Variants in PHF8 observed in about 807,000 individuals in gnomAD.
PHF8 encodes histone lysine demethylase PHF8.
PHF8 carries 9 observed loss-of-function variants against 74.4 expected under a neutral mutation model. The observed-to-expected ratio is 0.12, with a 90% CI of 0.07 to 0.21. The LOEUF (loss-of-function observed/expected upper bound fraction) is 0.21, where lower values mean the gene tolerates loss of function less well. Among genes scored for constraint, PHF8 ranks in the 10% least tolerant of loss-of-function variants. The pLI is 1.00. For missense variants in PHF8, 478 were observed against 816.6 expected (o/e 0.59, Z 5.05); for synonymous variants, 311 against 316.6 (o/e 0.98, Z 0.19).
intron 3 of PHF8, 133 bp downstream of exon 3, chrX:54,022,625 T>C: frequency 7.9e-6 from 4 of 509,440 alleles, no homozygotes; most frequent in South Asian, 2.7e-5. Flanking sequence ...CTGTGGAGCC[T>C]GCATAGGCTT....
chrX:54,036,333 C>A (rs782053591), intron 2 of PHF8, among the ~76,000 whole-genome samples: 3 of 109,405 alleles, frequency 2.7e-5, no homozygotes, highest in African/African-American at 1.0e-4. Context: ...AAAGTATATT[C>A]TCTGACCACT....
chrX:53,956,675 CGTGTGTGTGT>C (rs376217153), intron 19 of PHF8, among the ~76,000 whole-genome samples: 62 of 97,557 alleles, frequency 6.4e-4, no homozygotes, highest in African/African-American at 2.1e-3. Flanking sequence ...AAAATATGTG[CGTGTGTGTGT>C]GTGTGTGTGT....
In PHF8 at chrX:53,947,361, T is replaced by C. The variant is rs182745735; in HGVS notation, c.2540-3118A>G. ...CAGAAAAAAGATGTGGTGGTACTGCTGACCTAGATTTAAACTCCTTGGTTA... is the reference window on the plus strand; with the variant it reads ...CAGAAAAAAGATGTGGTGGTACTGCCGACCTAGATTTAAACTCCTTGGTTA... On this transcript the variant is annotated intron_variant, in intron 19 of 21. Coordinates refer to ENST00000338154, the MANE Select transcript of PHF8 (RefSeq NM_015107.3). 4.0e-3 allele frequency among the ~76,000 whole-genome samples: 454 copies of C among 112,656 alleles called. 2 individuals carry two copies. Among genetic ancestry groups the C allele is most frequent in the African/African-American group, 0.014 (431 of 31,056 alleles).
intron 8 of PHF8, among the ~76,000 whole-genome samples, chrX:54,008,323 C>T (rs782040129): frequency 1.6e-4 from 16 of 102,318 alleles, no homozygotes; most frequent in Non-Finnish European, 9.9e-5. Flanking sequence ...GTGGAGATCG[C>T]GCCACTGCAC....
intron 20 of PHF8, chrX:53,942,888 T>C: frequency 1.3e-6 from 1 of 753,681 alleles, no homozygotes; most frequent in Non-Finnish European, 1.6e-6. Flanking sequence ...AAGGTGTGCA[T>C]GAGGGGCTGG....
chrX:53,980,209 CCTAAAATT>C (rs1557097557), intron 18 of PHF8, among the ~76,000 whole-genome samples: 1 of 110,686 alleles, frequency 9.0e-6, no homozygotes, highest in Admixed American at 9.7e-5. Flanking sequence ...AATGGTGTCC[CCTAAAATT>C]CATATGGTGA....
At chrX:53,987,207 AT>A in intron 15 of PHF8, 44 bp from the exon 16 acceptor site, 1 of 854,650 alleles carries the variant, frequency 1.2e-6, no homozygotes, top group Admixed American at 2.2e-5. Flanking sequence ...TATGATTAGC[AT>A]TTCAGCCAAA....
Position 53,939,126 on chromosome X carries a change from G to T in PHF8, c.*32C>A, listed in dbSNP as rs372572740. The T allele has an allele frequency of 8.3e-7, 1 of 1,205,726 alleles. No individual in the cohort carries two copies. The highest frequency in any genetic ancestry group is 1.8e-5 in the South Asian group (1 of 56,091). ...GTTGACAATGGAGAAGGCAATGGGG[G>T]TAAAGGGGTGAGGGGTGGGACACAG... On this transcript the variant is annotated 3_prime_UTR_variant, in exon 22 of 22. Transcript: ENST00000338154.
intron 8 of PHF8, among the ~76,000 whole-genome samples, chrX:54,005,759 T>C (rs2065889756): frequency 9.1e-6 from 1 of 110,485 alleles, no homozygotes; most frequent in African/African-American, 3.3e-5. Context: ...TCTTTAGGTG[T>C]TGAAAGAAAA....
At chrX:53,984,380 A>G (rs990805053) in intron 18 of PHF8, among the ~76,000 whole-genome samples, 1 of 112,022 alleles carries the variant, frequency 8.9e-6, no homozygotes, top group Admixed American at 9.5e-5. Context: ...AAAACAAAAC[A>G]AAACAAAACA....
intron 2 of PHF8, among the ~76,000 whole-genome samples, chrX:54,040,506 C>T (rs1557115574): frequency 8.9e-6 from 1 of 111,888 alleles, no homozygotes; most frequent in East Asian, 2.8e-4. Context: ...TTAATAAAGA[C>T]GCACACAAAG....
At chrX:54,044,664 A>T (rs782716427), upstream of PHF8, among the ~76,000 whole-genome samples, 3 of 113,086 alleles carry the variant, frequency 2.7e-5, no homozygotes, top group South Asian at 1.1e-3. Context: ...TAGGCGAGGC[A>T]GACGTTTGGC....
intron 2 of PHF8, among the ~76,000 whole-genome samples, chrX:54,029,973 C>T (rs1224289083): frequency 1.8e-5 from 2 of 111,002 alleles, no homozygotes; most frequent in Non-Finnish European, 3.8e-5. Context: ...AAAAAGCCAG[C>T]GGACTCTCGG....
At chrX:54,018,113 A>C (rs782188953) in intron 4 of PHF8, among the ~76,000 whole-genome samples, 7 of 112,358 alleles carry the variant, frequency 6.2e-5, no homozygotes, top group Admixed American at 5.7e-4. Flanking sequence ...CAAGTTTGAC[A>C]GATTTGTTCA....
chrX:54,034,180 C>T (rs1192164950), intron 2 of PHF8, among the ~76,000 whole-genome samples: 5 of 111,511 alleles, frequency 4.5e-5, no homozygotes, highest in Non-Finnish European at 9.4e-5. Context: ...ATGAACAGAG[C>T]CTCAGCAACC....
chrX:53,949,979 C>T (rs1316859239), intron 19 of PHF8, among the ~76,000 whole-genome samples: 2 of 110,387 alleles, frequency 1.8e-5, no homozygotes, highest in Non-Finnish European at 3.8e-5. Context: ...TCCAAGAATT[C>T]ACTCCCCAAT....
Position 53,992,772 on chromosome X carries a change from T to C in PHF8, c.1694A>G (p.Asn565Ser), listed in dbSNP as rs2065687032. Residue 565 changes from asparagine to serine, a missense_variant, in exon 14 of 22, where the codon AAT (asparagine) becomes AGT (serine). By Grantham distance (46) the Asn-to-Ser change is conservative. Transcript: ENST00000338154. ...CATCAATAGGGCCAATGGGCTCTCATTTCCATCAAGGTCCAAGTCTGGTGA... is the reference window on the plus strand; with the variant it reads ...CATCAATAGGGCCAATGGGCTCTCACTTCCATCAAGGTCCAAGTCTGGTGA... ...DDSPDLDLDG[N>S]ESPLALLMSN... 1 of 1,203,701 alleles carries C rather than the reference T, an allele frequency of 8.3e-7. No homozygotes were observed. Among genetic ancestry groups the C allele is most frequent in the South Asian group, 1.8e-5 (1 of 56,396 alleles).
At chrX:53,952,986 A>G (rs1326473959) in intron 19 of PHF8, among the ~76,000 whole-genome samples, 2 of 107,772 alleles carry the variant, frequency 1.9e-5, no homozygotes, top group Non-Finnish European at 3.8e-5. Flanking sequence ...CACTAAGAAA[A>G]TAACTTGGCC....
chrX:54,021,446 T>A (rs1028383603), intron 4 of PHF8, among the ~76,000 whole-genome samples: 7 of 102,206 alleles, frequency 6.8e-5, no homozygotes, highest in African/African-American at 2.6e-4. Context: ...AAAATCAAAG[T>A]TGCAATTATT....
Sources: gnomAD v4.1 joint callset for allele counts (sites outside exome capture counted in the v4.1 genomes callset) on GRCh38, gnomAD v4.1.1 for gene constraint, MANE v1.5 for transcripts, NCBI Gene and HGNC (gene_info 2026-07-23, HGNC 2026-07-21) for gene names.